Variants in ME3 observed in about 807,000 individuals in gnomAD.
The protein encoded by ME3 is malic enzyme 3.
ME3 carries 48 observed loss-of-function variants against 68.9 expected under a neutral mutation model. The observed-to-expected ratio is 0.70, with a 90% CI of 0.55 to 0.89. The LOEUF is 0.89. ME3 is among the 40% of genes least tolerant of loss of function. The probability of loss-of-function intolerance (pLI) is 0.00; values close to 1 mark genes in which losing one functional copy is unlikely to be tolerated. For synonymous variants in ME3, 320 were observed against 318.8 expected (o/e 1.00, Z -0.04); for missense variants, 675 against 797.4 (o/e 0.85, Z 1.85).
intron 6 of ME3, 93 bp downstream of exon 6, chr11:86,497,870 C>T: frequency 1.5e-6 from 2 of 1,356,768 alleles, no homozygotes; most frequent in South Asian, 1.4e-5. Flanking sequence ...TGGCCCATTG[C>T]TGTGTAGATA....
intron 2 of ME3, among the ~76,000 whole-genome samples, chr11:86,565,211 A>C (rs1957423231): frequency 6.6e-6 from 1 of 151,932 alleles, no homozygotes; most frequent in South Asian, 2.1e-4. Context: ...ACACACACAC[A>C]CACCCCCCCT....
At chr11:86,549,302 C>G (rs937373421) in intron 4 of ME3, among the ~76,000 whole-genome samples, 1 of 152,198 alleles carries the variant, frequency 6.6e-6, no homozygotes, top group Admixed American at 6.5e-5. Context: ...AGGGACCACT[C>G]TTTCTGTGTT....
At chr11:86,605,162 T>G (rs1961441402) in intron 2 of ME3, among the ~76,000 whole-genome samples, 1 of 152,260 alleles carries the variant, frequency 6.6e-6, no homozygotes. Context: ...TCATCCATGT[T>G]GTATCATGTA....
intron 7 of ME3, among the ~76,000 whole-genome samples, 198 bp from the exon 8 acceptor site, chr11:86,465,398 T>C (rs543008074): frequency 6.6e-6 from 1 of 152,000 alleles, no homozygotes; most frequent in Non-Finnish European, 1.5e-5. Context: ...TGGATGAGGA[T>C]GGGGAAGGGA....
Position 86,447,771 on chromosome 11 carries a change from T to G in ME3, c.1237+379A>C, listed in dbSNP as rs1191178094. On this transcript the variant is annotated intron_variant, in intron 11 of 14. Coordinates refer to ENST00000543262, the Ensembl canonical transcript of ME3. ...TACTTGGGAGGCTGAGGCAGGAGAATCACTTGAACCCAGGGGGCGGAGGTT... is the reference window on the plus strand; with the variant it reads ...TACTTGGGAGGCTGAGGCAGGAGAAGCACTTGAACCCAGGGGGCGGAGGTT... Among the ~76,000 whole-genome samples, 45 of 147,808 alleles carry G rather than the reference T, an allele frequency of 3.0e-4. No individual in the cohort carries two copies. In the East Asian group the frequency reaches 8.1e-3, roughly 27 times the overall value.
In ME3 at chr11:86,638,607, G is replaced by A. The variant is rs574401423; in HGVS notation, c.183+33155C>T. ...TCTTACTAATATGATATCATTGCTAGTAAAGGGTAAGGGAGCTTAAACTAG... is the reference window on the plus strand; with the variant it reads ...TCTTACTAATATGATATCATTGCTAATAAAGGGTAAGGGAGCTTAAACTAG... On this transcript the variant is annotated intron_variant, in intron 2 of 14. Coordinates refer to ENST00000543262, the Ensembl canonical transcript of ME3. Among the ~76,000 whole-genome samples the A allele has an allele frequency of 1.4e-3, 208 of 152,330 alleles. 12 individuals are homozygous for A. Among genetic ancestry groups the A allele is most frequent in the South Asian group, 8.3e-4 (4 of 4,830 alleles).
chr11:86,652,186 G>A (rs1034893142), intron 2 of ME3, among the ~76,000 whole-genome samples: 7 of 152,148 alleles, frequency 4.6e-5, no homozygotes, highest in Non-Finnish European at 8.8e-5. Flanking sequence ...TATTATCCAG[G>A]AGAACTTCCC....
chr11:86,654,928 T>C (rs1945751894), intron 2 of ME3, among the ~76,000 whole-genome samples: 1 of 152,126 alleles, frequency 6.6e-6, no homozygotes, highest in African/African-American at 2.4e-5. Context: ...TGTGCAAAAA[T>C]CACAAGCAGT....
intron 2 of ME3, among the ~76,000 whole-genome samples, chr11:86,612,537 A>G (rs1942662574): frequency 6.6e-6 from 1 of 152,188 alleles, no homozygotes; most frequent in South Asian, 2.1e-4. Context: ...CAACAGTGTA[A>G]AAGTCTTCCT....
intron 2 of ME3, among the ~76,000 whole-genome samples, chr11:86,608,254 A>G (rs947914929): frequency 1.3e-5 from 2 of 152,164 alleles, no homozygotes; most frequent in African/African-American, 4.8e-5. Flanking sequence ...AGAGGGAGAA[A>G]GAAGCAGCCA....
intron 7 of ME3, among the ~76,000 whole-genome samples, chr11:86,475,853 A>G (rs983975531): frequency 1.2e-5 from 1 of 80,894 alleles, no homozygotes; most frequent in Admixed American, 1.4e-4. Flanking sequence ...AATATTCAGT[A>G]TATATATATA....
chr11:86,623,398 T>G (rs570376418), intron 2 of ME3, among the ~76,000 whole-genome samples: 1 of 152,304 alleles, frequency 6.6e-6, no homozygotes, highest in East Asian at 1.9e-4. Context: ...GTGCTCCAAC[T>G]TGCAGATGGT....
At chr11:86,494,887 A>G (rs1447521083) in intron 6 of ME3, among the ~76,000 whole-genome samples, 3 of 152,246 alleles carry the variant, frequency 2.0e-5, no homozygotes, top group Admixed American at 1.3e-4. Flanking sequence ...TGAAAAAATT[A>G]GAACAAAATT....
intron 2 of ME3, among the ~76,000 whole-genome samples, chr11:86,562,937 C>T (rs934744937): frequency 6.6e-6 from 1 of 152,006 alleles, no homozygotes; most frequent in Non-Finnish European, 1.5e-5. Flanking sequence ...GATTTCTGTT[C>T]CTGCATTAAT....
exon 1 of ME3, chr11:86,672,436 C>G (rs1285753309): frequency 6.5e-6 from 1 of 153,384 alleles, no homozygotes; most frequent in East Asian, 1.9e-4. Flanking sequence ...CTGGCGGCCG[C>G]GAGCTCGCGG....
At chr11:86,650,315 G>C (rs1181219610) in intron 2 of ME3, among the ~76,000 whole-genome samples, 1 of 152,108 alleles carries the variant, frequency 6.6e-6, no homozygotes, top group Admixed American at 6.5e-5. Flanking sequence ...ACTCAAAATG[G>C]ATTAAATATT....
chr11:86,601,900 A>G (rs1481499680), intron 2 of ME3, among the ~76,000 whole-genome samples: 1 of 145,752 alleles, frequency 6.9e-6, no homozygotes, highest in Admixed American at 7.0e-5. Flanking sequence ...ACAAAATTCA[A>G]CAACGCTTCA....
intron 7 of ME3, among the ~76,000 whole-genome samples, chr11:86,480,572 A>G (rs1437237750): frequency 6.6e-6 from 1 of 152,174 alleles, no homozygotes; most frequent in Non-Finnish European, 1.5e-5. Context: ...TTTCACTGTC[A>G]TGAAGTCAAG....
chr11:86,547,466 A>G (rs1258705491), intron 4 of ME3, among the ~76,000 whole-genome samples: 1 of 140,830 alleles, frequency 7.1e-6, no homozygotes, highest in Non-Finnish European at 1.5e-5. Flanking sequence ...AACATCACAC[A>G]CTGGGGCCTG....
Sources: gnomAD v4.1 joint callset for allele counts (sites outside exome capture counted in the v4.1 genomes callset) on GRCh38, gnomAD v4.1.1 for gene constraint, MANE v1.5 for transcripts, NCBI Gene and HGNC (gene_info 2026-07-23, HGNC 2026-07-21) for gene names.